MGMT: variants seen among roughly 807,000 people sequenced by gnomAD.
MGMT encodes the protein O-6-methylguanine-DNA methyltransferase, also known as methylated-DNA--protein-cysteine methyltransferase.
Under a neutral mutation model 15.9 loss-of-function variants are expected in MGMT, and 14 were observed. The observed-to-expected ratio is 0.88, with a 90% CI of 0.58 to 1.37. The LOEUF is 1.37. Ranked by LOEUF, MGMT falls within the 40% of genes most tolerant of loss-of-function variation. MGMT has a pLI of 0.00. For synonymous variants in MGMT, 130 were observed against 118.2 expected (o/e 1.10, Z -0.65); for missense variants, 282 against 268.1 (o/e 1.05, Z -0.36).
intron 2 of MGMT, among the ~76,000 whole-genome samples, chr10:129,619,775 T>G (rs778447432): frequency 5.3e-5 from 8 of 152,236 alleles, no homozygotes; most frequent in Non-Finnish European, 1.0e-4. Flanking sequence ...CTTATCCAGT[T>G]ATCCCTCTCA....
chr10:129,583,930 A>G (rs1846587842), intron 2 of MGMT, among the ~76,000 whole-genome samples: 1 of 152,116 alleles, frequency 6.6e-6, no homozygotes, highest in South Asian at 2.1e-4. Flanking sequence ...GGACACAAGA[A>G]AGTGAGGCAG....
chr10:129,599,396 A>C (rs1484429692), intron 2 of MGMT, among the ~76,000 whole-genome samples: 1 of 152,268 alleles, frequency 6.6e-6, no homozygotes, highest in East Asian at 1.9e-4. Context: ...AGTCATGTAC[A>C]AATGCAAATG....
At chr10:129,523,525 G>A (rs534431937) in intron 1 of MGMT, among the ~76,000 whole-genome samples, 7 of 152,156 alleles carry the variant, frequency 4.6e-5, no homozygotes, top group Non-Finnish European at 8.8e-5. Context: ...ATTCATAGGC[G>A]GGTCTCGAAG....
chr10:129,762,055 G>C (rs1848880097), intron 4 of MGMT, among the ~76,000 whole-genome samples: 1 of 152,240 alleles, frequency 6.6e-6, no homozygotes, highest in African/African-American at 2.4e-5. Flanking sequence ...CCAGGGACTT[G>C]CTAGAGGAAG....
intron 2 of MGMT, among the ~76,000 whole-genome samples, chr10:129,621,849 T>A (rs1235515148): frequency 6.6e-6 from 1 of 152,194 alleles, no homozygotes; most frequent in Admixed American, 6.5e-5. Context: ...TCACTGTGAA[T>A]TTGGTGAGTC....
chr10:129,539,595 C>A (rs904935323), intron 2 of MGMT, among the ~76,000 whole-genome samples: 1 of 152,022 alleles, frequency 6.6e-6, no homozygotes, highest in African/African-American at 2.4e-5. Flanking sequence ...CAAGCTGTGC[C>A]TCCTGGGTTC....
intron 2 of MGMT, among the ~76,000 whole-genome samples, chr10:129,635,597 G>A (rs535047161): frequency 6.6e-6 from 1 of 152,254 alleles, no homozygotes; most frequent in East Asian, 1.9e-4. Flanking sequence ...AGAAGTGCTG[G>A]GGTGTTTTTT....
chr10:129,571,247 T>C (rs1031585670), intron 2 of MGMT, among the ~76,000 whole-genome samples: 12 of 152,220 alleles, frequency 7.9e-5, no homozygotes, highest in Middle Eastern at 3.2e-3. Flanking sequence ...ACATTTCTAA[T>C]CAAATCACCC....
chr10:129,551,504 A>G lies in MGMT; in HGVS notation c.125+15127A>G, dbSNP rs558625361. Among the ~76,000 whole-genome samples, 29 of 152,174 alleles carry G rather than the reference A, an allele frequency of 1.9e-4. No homozygotes were observed. The East Asian group carries it at 4.9e-3, about 26-fold the overall frequency. On this transcript the variant is annotated intron_variant, in intron 2 of 4. Coordinates refer to ENST00000651593, the MANE Select transcript of MGMT (RefSeq NM_002412.5). ...GGCACCCTCAGGAAGCAGGCCCCCCATGCTTGCAGCTGCCCCCGGGAGCCC... is the reference window on the plus strand; with the variant it reads ...GGCACCCTCAGGAAGCAGGCCCCCCGTGCTTGCAGCTGCCCCCGGGAGCCC...
intron 2 of MGMT, among the ~76,000 whole-genome samples, chr10:129,671,561 A>G (rs1847724199): frequency 6.6e-6 from 1 of 152,170 alleles, no homozygotes; most frequent in African/African-American, 2.4e-5. Flanking sequence ...ACAAAACACA[A>G]TATATTTACT....
At chr10:129,623,771 T>A (rs1183153728) in intron 2 of MGMT, among the ~76,000 whole-genome samples, 1 of 152,152 alleles carries the variant, frequency 6.6e-6, no homozygotes. Context: ...TCTTCCTGCC[T>A]TGGCCTCCAA....
intron 1 of MGMT, among the ~76,000 whole-genome samples, chr10:129,510,105 C>T (rs946832977): frequency 5.3e-5 from 8 of 152,106 alleles, no homozygotes; most frequent in East Asian, 1.9e-4. Flanking sequence ...CCTGTCTCCT[C>T]GGGAGAACAC....
chr10:129,710,609 A>C (rs1848221454), intron 3 of MGMT, among the ~76,000 whole-genome samples: 1 of 152,194 alleles, frequency 6.6e-6, no homozygotes, highest in Admixed American at 6.5e-5. Flanking sequence ...GATGGTTGCT[A>C]ACAGGGAGTT....
At chr10:129,593,386 C>T (rs1056553330) in intron 2 of MGMT, among the ~76,000 whole-genome samples, 4 of 152,208 alleles carry the variant, frequency 2.6e-5, no homozygotes, top group Non-Finnish European at 5.9e-5. Context: ...GCGGTCCTCC[C>T]TCCTGCCTCC....
chr10:129,625,804 A>G (rs528154494), intron 2 of MGMT, among the ~76,000 whole-genome samples: 1 of 152,278 alleles, frequency 6.6e-6, no homozygotes, highest in East Asian at 1.9e-4. Context: ...TGTTTCTTCC[A>G]GTACTGATCA....
Position 129,657,652 on chromosome 10 carries a change from G to C in MGMT, c.126-50243G>C, listed in dbSNP as rs1478847043. ...GGAGGAGGAGCTGGAGCTGGGGGGGGGACAGGCTGGCCAGCTCCTCCAACA... is the reference window on the plus strand; with the variant it reads ...GGAGGAGGAGCTGGAGCTGGGGGGGCGACAGGCTGGCCAGCTCCTCCAACA... On this transcript the variant is annotated intron_variant, in intron 2 of 4. Coordinates refer to ENST00000651593, the MANE Select transcript of MGMT (RefSeq NM_002412.5). Among the ~76,000 whole-genome samples the C allele has an allele frequency of 4.8e-5, 7 of 146,582 alleles. No individual in the cohort carries two copies. The East Asian group carries it at 1.4e-3, about 30-fold the overall frequency.
chr10:129,491,589 T>G (rs1052375402), intron 1 of MGMT, among the ~76,000 whole-genome samples: 8 of 152,166 alleles, frequency 5.3e-5, no homozygotes, highest in Non-Finnish European at 7.3e-5. Flanking sequence ...TTAGTCCTTT[T>G]GACTGTCCCT....
At chr10:129,601,370 GT>G (rs1196817292) in intron 2 of MGMT, among the ~76,000 whole-genome samples, 1 of 152,198 alleles carries the variant, frequency 6.6e-6, no homozygotes, top group Non-Finnish European at 1.5e-5. Context: ...TATGTCTTCT[GT>G]TTAATCAGAG....
chr10:129,673,418 G>A (rs561204941), intron 2 of MGMT, among the ~76,000 whole-genome samples: 2 of 152,288 alleles, frequency 1.3e-5, no homozygotes, highest in South Asian at 4.1e-4. Flanking sequence ...TTTTGTATGT[G>A]CAAACACACC....
Sources: gnomAD v4.1 joint callset for allele counts (sites outside exome capture counted in the v4.1 genomes callset) on GRCh38, gnomAD v4.1.1 for gene constraint, MANE v1.5 for transcripts, NCBI Gene and HGNC (gene_info 2026-07-23, HGNC 2026-07-21) for gene names.